The following CHRM2 variants were observed in gnomAD, a reference collection of about 807,000 sequenced individuals.
The protein encoded by CHRM2 is cholinergic receptor muscarinic 2, also known as muscarinic acetylcholine receptor M2.
In CHRM2, 8 loss-of-function variants were observed where a neutral mutation model predicts 25.0. The ratio of observed to expected loss-of-function variants is 0.32; its 90% CI spans 0.19 to 0.58. CHRM2 has a LOEUF of 0.58. Among genes scored for constraint, CHRM2 ranks in the 20% least tolerant of loss-of-function variants. CHRM2 has a pLI of 0.88. For missense variants in CHRM2, 440 were observed against 567.1 expected (o/e 0.78, Z 2.28); for synonymous variants, 202 against 205.7 (o/e 0.98, Z 0.15).
intron 2 of CHRM2, among the ~76,000 whole-genome samples, chr7:136,959,132 C>T (rs768982457): frequency 2.0e-5 from 3 of 152,218 alleles, no homozygotes; most frequent in Non-Finnish European, 4.4e-5. Context: ...TCTCTTATCT[C>T]CTTCCTCTCC....
intron 3 of CHRM2, among the ~76,000 whole-genome samples, chr7:136,999,556 C>A (rs1803847107): frequency 6.6e-6 from 1 of 151,458 alleles, no homozygotes; most frequent in Non-Finnish European, 1.5e-5. Context: ...CCTCCTCCCA[C>A]CCCACAACAG....
chr7:136,970,221 C>T (rs1483313012), intron 2 of CHRM2, among the ~76,000 whole-genome samples: 3 of 152,136 alleles, frequency 2.0e-5, no homozygotes, highest in African/African-American at 4.8e-5. Context: ...TCTAGTTCCA[C>T]CTGTATTTCT....
intron 3 of CHRM2, among the ~76,000 whole-genome samples, chr7:137,010,397 T>G (rs1804723860): frequency 6.6e-6 from 1 of 152,108 alleles, no homozygotes; most frequent in Admixed American, 6.6e-5. Context: ...CATCTTAAGA[T>G]GCTGAGTTCT....
chr7:136,873,092 C>T (rs576969782), intron 2 of CHRM2, among the ~76,000 whole-genome samples: 5 of 152,126 alleles, frequency 3.3e-5, no homozygotes, highest in East Asian at 1.9e-4. Context: ...ATGGACTCTC[C>T]GTGGCATAGT....
chr7:136,890,604 G>T (rs947002294), intron 2 of CHRM2, among the ~76,000 whole-genome samples: 8 of 152,172 alleles, frequency 5.3e-5, no homozygotes. Context: ...CTGACAGCCA[G>T]AAACCACCCG....
At chr7:136,895,406 C>T (rs959435783) in intron 2 of CHRM2, among the ~76,000 whole-genome samples, 1 of 152,160 alleles carries the variant, frequency 6.6e-6, no homozygotes, top group African/African-American at 2.4e-5. Context: ...GGGGCTATAG[C>T]GGTTTTCCTA....
chr7:136,980,932 G>T (rs928108134), intron 2 of CHRM2, among the ~76,000 whole-genome samples: 32 of 152,128 alleles, frequency 2.1e-4, no homozygotes, highest in African/African-American at 7.5e-4. Flanking sequence ...GCCAGCTTTT[G>T]GTATCAGGAT....
At chr7:136,960,681 G>T (rs923612306) in intron 2 of CHRM2, among the ~76,000 whole-genome samples, 1 of 152,142 alleles carries the variant, frequency 6.6e-6, no homozygotes, top group Non-Finnish European at 1.5e-5. Flanking sequence ...TGAAGGCAAT[G>T]GTTAATAAAA....
At chr7:136,960,508 G>A (rs755495928) in intron 2 of CHRM2, among the ~76,000 whole-genome samples, 8 of 152,192 alleles carry the variant, frequency 5.3e-5, no homozygotes, top group African/African-American at 1.7e-4. Context: ...AATAGATCAC[G>A]ATACCTCCCA....
intron 2 of CHRM2, among the ~76,000 whole-genome samples, chr7:136,901,508 A>C (rs1303788075): frequency 6.6e-6 from 1 of 152,018 alleles, no homozygotes; most frequent in Non-Finnish European, 1.5e-5. Flanking sequence ...ACCTATAGTG[A>C]CCCAAACAGA....
At chr7:136,874,005 T>C (rs956565333) in intron 2 of CHRM2, among the ~76,000 whole-genome samples, 1 of 152,170 alleles carries the variant, frequency 6.6e-6, no homozygotes, top group Admixed American at 6.5e-5. Context: ...TAATAAAAGA[T>C]AATTTTGATA....
chr7:136,901,577 C>T (rs1024855278), intron 2 of CHRM2, among the ~76,000 whole-genome samples: 3 of 151,850 alleles, frequency 2.0e-5, no homozygotes, highest in Non-Finnish European at 4.4e-5. Flanking sequence ...ATCTTTGGAC[C>T]CTAAGCAACC....
chr7:136,875,624 C>T (rs1414338649), intron 2 of CHRM2, among the ~76,000 whole-genome samples: 3 of 152,124 alleles, frequency 2.0e-5, no homozygotes, highest in Non-Finnish European at 2.9e-5. Context: ...GCCAGAGTGA[C>T]CTTTCTAAAA....
intron 2 of CHRM2, among the ~76,000 whole-genome samples, chr7:136,898,607 T>A (rs1797032244): frequency 6.6e-6 from 1 of 151,964 alleles, no homozygotes; most frequent in East Asian, 1.9e-4. Context: ...ATAGTTCTAG[T>A]GATGAATTCA....
chr7:136,953,617 A>T (rs1314234064), intron 2 of CHRM2, among the ~76,000 whole-genome samples: 1 of 152,190 alleles, frequency 6.6e-6, no homozygotes, highest in African/African-American at 2.4e-5. Context: ...GGCAGTGAAG[A>T]TGAAAAAGAT....
intron 2 of CHRM2, among the ~76,000 whole-genome samples, chr7:136,885,786 A>T (rs1323059723): frequency 2.0e-5 from 3 of 152,178 alleles, no homozygotes; most frequent in Non-Finnish European, 4.4e-5. Context: ...AAATTAGACT[A>T]ACCCAGCTGG....
intron 2 of CHRM2, among the ~76,000 whole-genome samples, chr7:136,929,425 A>T (rs1798932736): frequency 6.6e-6 from 1 of 152,076 alleles, no homozygotes; most frequent in Non-Finnish European, 1.5e-5. Context: ...AGGATATAAA[A>T]ATATACACAG....
At chr7:137,000,508 T>C (rs1255866118) in intron 3 of CHRM2, among the ~76,000 whole-genome samples, 4 of 112,066 alleles carry the variant, frequency 3.6e-5, no homozygotes, top group Non-Finnish European at 5.6e-5. Context: ...TCTCATAATA[T>C]ATTATTATTA....
intron 2 of CHRM2, among the ~76,000 whole-genome samples, chr7:136,936,303 A>G (rs544307886): frequency 3.9e-5 from 6 of 152,308 alleles, no homozygotes; most frequent in East Asian, 3.9e-4. Context: ...ATTAAAATAT[A>G]TAAATACTCA....
Sources: allele counts gnomAD v4.1 joint callset (sites outside exome capture counted in the v4.1 genomes callset), GRCh38; gene constraint gnomAD v4.1.1; transcripts MANE v1.5; gene names NCBI Gene and HGNC (gene_info 2026-07-23, HGNC 2026-07-21).